SLC24A3: variants seen among roughly 807,000 people sequenced by gnomAD.
The protein encoded by SLC24A3 is sodium/potassium/calcium exchanger 3.
Under a neutral mutation model 75.8 loss-of-function variants are expected in SLC24A3, and 28 were observed. The observed-to-expected ratio is 0.37, with a 90% CI of 0.27 to 0.51. The LOEUF (loss-of-function observed/expected upper bound fraction) is 0.51. Among genes scored for constraint, SLC24A3 ranks in the 20% least tolerant of loss-of-function variants. The pLI, the probability that SLC24A3 is intolerant of heterozygous loss-of-function variation, is 0.94. For synonymous variants in SLC24A3, 372 were observed against 334.1 expected, an observed-to-expected ratio of 1.11 and a Z score of -1.24; for missense variants, 663 against 847.8, an observed-to-expected ratio of 0.78 and a Z score of 2.71.
intron 2 of SLC24A3, among the ~76,000 whole-genome samples, chr20:19,506,666 G>T (rs1478410111): frequency 6.6e-6 from 1 of 152,158 alleles, no homozygotes; most frequent in Non-Finnish European, 1.5e-5. Flanking sequence ...CTTGATAAAG[G>T]TTATTTCCAT....
rs2033104974 is a variant in SLC24A3 at position 19,721,553 on chromosome 20, G to T, written c.*413G>T. The T allele has an allele frequency of 1.2e-5, 2 of 164,706 alleles. No homozygotes were observed. The highest frequency in any genetic ancestry group is 3.7e-4 in the South Asian group (2 of 5,456). The allele number at this position is 164,706 out of a possible 1,614,324, so 10.2% of individuals were successfully genotyped here. On this transcript the variant is annotated 3_prime_UTR_variant, in exon 17 of 17. Transcript: ENST00000328041. ...ACTGTTGAAGAAATAGAGAGGAGGG[G>T]GCCCGTTGATTACAGAGAGCATTTG... is the stretch of plus-strand genomic sequence containing the variant.
intron 6 of SLC24A3, among the ~76,000 whole-genome samples, chr20:19,628,833 G>A (rs2031899405): frequency 6.6e-6 from 1 of 152,168 alleles, no homozygotes; most frequent in Non-Finnish European, 1.5e-5. Flanking sequence ...GAAGATTTGA[G>A]AGGCCTGCAG....
At chr20:19,526,223 C>T (rs1177765318) in intron 3 of SLC24A3, among the ~76,000 whole-genome samples, 1 of 152,176 alleles carries the variant, frequency 6.6e-6, no homozygotes, top group Non-Finnish European at 1.5e-5. Context: ...CCAGTGCTGG[C>T]TCTGATTTTG....
intron 2 of SLC24A3, among the ~76,000 whole-genome samples, chr20:19,507,126 G>A (rs150620744): frequency 7.2e-5 from 11 of 152,286 alleles, no homozygotes; most frequent in African/African-American, 2.6e-4. Flanking sequence ...GGATAATTTT[G>A]TTCAGGGGCC....
intron 2 of SLC24A3, among the ~76,000 whole-genome samples, chr20:19,375,038 G>A (rs1475090746): frequency 6.6e-6 from 1 of 152,124 alleles, no homozygotes; most frequent in African/African-American, 2.4e-5. Flanking sequence ...GATAACTGAT[G>A]CAACCACTCA....
chr20:19,462,989 A>T (rs1987703524), intron 2 of SLC24A3, among the ~76,000 whole-genome samples: 1 of 152,070 alleles, frequency 6.6e-6, no homozygotes, highest in Admixed American at 6.5e-5. Context: ...AATGTGTCTT[A>T]TCCACCTCCT....
At chr20:19,260,526 G>T (rs1237961421) in intron 1 of SLC24A3, among the ~76,000 whole-genome samples, 2 of 152,196 alleles carry the variant, frequency 1.3e-5, no homozygotes, top group African/African-American at 4.8e-5. Flanking sequence ...GTTGTATTTA[G>T]AAATAATAAT....
intron 1 of SLC24A3, among the ~76,000 whole-genome samples, chr20:19,260,244 A>C (rs1982940450): frequency 6.6e-6 from 1 of 152,264 alleles, no homozygotes; most frequent in Non-Finnish European, 1.5e-5. Context: ...GATAACAGGT[A>C]GCCTGCGACC....
At chr20:19,319,949 GT>G (rs1193440250) in intron 2 of SLC24A3, among the ~76,000 whole-genome samples, 1 of 152,206 alleles carries the variant, frequency 6.6e-6, no homozygotes, top group East Asian at 1.9e-4. Context: ...GCATGGGGAG[GT>G]CGCAGAGCTT....
intron 4 of SLC24A3, 105 bp from the exon 5 acceptor site, chr20:19,584,866 G>T: frequency 1.0e-6 from 1 of 977,332 alleles, no homozygotes. Flanking sequence ...TCTCGCTGAA[G>T]CCCCAGTCTT....
At chr20:19,268,228 G>C (rs1200053200) in intron 1 of SLC24A3, among the ~76,000 whole-genome samples, 1 of 152,176 alleles carries the variant, frequency 6.6e-6, no homozygotes, top group Non-Finnish European at 1.5e-5. Flanking sequence ...CTTCTATTAT[G>C]TAAATTATGG....
chr20:19,281,428 T>C (rs1440804871), intron 2 of SLC24A3, among the ~76,000 whole-genome samples: 2 of 152,208 alleles, frequency 1.3e-5, no homozygotes, highest in Admixed American at 6.5e-5. Flanking sequence ...CTTTGATTGC[T>C]TTGGTCCTCT....
chr20:19,274,319 C>T (rs897798183), intron 1 of SLC24A3, among the ~76,000 whole-genome samples: 3 of 151,928 alleles, frequency 2.0e-5, no homozygotes, highest in Non-Finnish European at 2.9e-5. Context: ...CAGAACCTAT[C>T]GCCTCCTGTG....
intron 6 of SLC24A3, among the ~76,000 whole-genome samples, chr20:19,651,142 C>T (rs1467528905): frequency 3.3e-5 from 5 of 151,726 alleles, no homozygotes; most frequent in Admixed American, 3.3e-4. Flanking sequence ...TGCTTTACTC[C>T]CTTATTTTGG....
chr20:19,351,869 C>T (rs1047573738), intron 2 of SLC24A3, among the ~76,000 whole-genome samples: 1 of 152,106 alleles, frequency 6.6e-6, no homozygotes, highest in Non-Finnish European at 1.5e-5. Context: ...AGCACAGCTT[C>T]AAAACAAAAA....
intron 2 of SLC24A3, among the ~76,000 whole-genome samples, chr20:19,403,473 GC>G (rs1337686593): frequency 1.3e-5 from 2 of 152,114 alleles, no homozygotes; most frequent in Non-Finnish European, 2.9e-5. Flanking sequence ...CCCCATCTCT[GC>G]CTTCATCTCC....
At chr20:19,327,634 T>C (rs955734857) in intron 2 of SLC24A3, among the ~76,000 whole-genome samples, 1 of 152,238 alleles carries the variant, frequency 6.6e-6, no homozygotes, top group African/African-American at 2.4e-5. Context: ...GTGGTCTTTG[T>C]CGTCATATCA....
intron 2 of SLC24A3, among the ~76,000 whole-genome samples, chr20:19,473,454 A>G (rs995982627): frequency 2.0e-5 from 3 of 152,268 alleles, no homozygotes; most frequent in Admixed American, 2.0e-4. Flanking sequence ...GGTGGTAATA[A>G]CAACAGCAAT....
chr20:19,643,466 C>T (rs2032098828), intron 6 of SLC24A3, among the ~76,000 whole-genome samples: 1 of 152,192 alleles, frequency 6.6e-6, no homozygotes, highest in Admixed American at 6.5e-5. Flanking sequence ...AATTGAAAAA[C>T]AGCTGGCTCT....
Sources: gnomAD v4.1 joint callset for allele counts (sites outside exome capture counted in the v4.1 genomes callset) on GRCh38, gnomAD v4.1.1 for gene constraint, MANE v1.5 for transcripts, NCBI Gene and HGNC (gene_info 2026-07-23, HGNC 2026-07-21) for gene names.